DSCAML1: variants seen among roughly 807,000 people sequenced by gnomAD.
The protein encoded by DSCAML1 is DS cell adhesion molecule like 1.
In DSCAML1, 38 loss-of-function variants were observed where a neutral mutation model predicts 200.5. The ratio of observed to expected loss-of-function variants is 0.19; its 90% CI spans 0.15 to 0.25. DSCAML1 has a LOEUF of 0.25. Among genes scored for constraint, DSCAML1 ranks in the 10% least tolerant of loss-of-function variants. The probability of loss-of-function intolerance (pLI) is 1.00; values close to 1 mark genes in which losing one functional copy is unlikely to be tolerated. For synonymous variants in DSCAML1, 1,215 were observed against 1,165.0 expected, an observed-to-expected ratio of 1.04 and a Z score of -0.87; for missense variants, 2,223 against 2,858.8, an observed-to-expected ratio of 0.78 and a Z score of 5.07.
intron 27 of DSCAML1, among the ~76,000 whole-genome samples, chr11:117,434,713 C>T (rs1033480951): frequency 6.6e-6 from 1 of 152,130 alleles, no homozygotes; most frequent in African/African-American, 2.4e-5. Context: ...TTCCATTCAA[C>T]CATTTATTCA....
intron 3 of DSCAML1, among the ~76,000 whole-genome samples, chr11:117,552,116 TC>T (rs2137394256): frequency 6.6e-6 from 1 of 151,816 alleles, no homozygotes; most frequent in East Asian, 1.9e-4. Flanking sequence ...TGCAGGTCCA[TC>T]GGGGTGGGCA....
chr11:117,512,249 C>G (rs890024675), intron 8 of DSCAML1, among the ~76,000 whole-genome samples: 3 of 152,236 alleles, frequency 2.0e-5, no homozygotes, highest in Admixed American at 6.5e-5. Flanking sequence ...CGGGCAGCAG[C>G]AGTGGGGTCT....
At chr11:117,536,510 T>G (rs573337971) in intron 3 of DSCAML1, among the ~76,000 whole-genome samples, 19 of 152,342 alleles carry the variant, frequency 1.2e-4, no homozygotes, top group Admixed American at 1.2e-3. Flanking sequence ...TGAAGCCACT[T>G]GGACAGGTTG....
At chr11:117,607,314 C>G (rs1012232308) in intron 3 of DSCAML1, among the ~76,000 whole-genome samples, 1 of 152,158 alleles carries the variant, frequency 6.6e-6, no homozygotes, top group Non-Finnish European at 1.5e-5. Context: ...AGCAGCTCAC[C>G]GACCTAGAGT....
At chr11:117,587,337 CAAGGTCAACCAGTTAG>C (rs1191150643) in intron 3 of DSCAML1, among the ~76,000 whole-genome samples, 1 of 149,462 alleles carries the variant, frequency 6.7e-6, no homozygotes, top group African/African-American at 2.4e-5. Flanking sequence ...GTGACCTGCA[CAAGGTCAACCAGTTAG>C]AAGGTGGCAG....
rs1395078665 is a variant in DSCAML1 at position 117,551,505 on chromosome 11, G to T, written c.512-18983C>A. On this transcript the variant is annotated intron_variant, in intron 3 of 32. Transcript: ENST00000651296. ...TCCCCCACCGTGCCTGACTCTCCCTGCCTGCACCCTGCTTAGAGTCTTCTG... is the reference window on the plus strand; with the variant it reads ...TCCCCCACCGTGCCTGACTCTCCCTTCCTGCACCCTGCTTAGAGTCTTCTG... Among the ~76,000 whole-genome samples the T allele has an allele frequency of 2.0e-5, 3 of 152,140 alleles. No homozygotes were observed. The East Asian group carries it at 5.8e-4, about 29-fold the overall frequency.
At chr11:117,658,234 G>A (rs924693268) in intron 3 of DSCAML1, among the ~76,000 whole-genome samples, 6 of 152,096 alleles carry the variant, frequency 3.9e-5, no homozygotes, top group Non-Finnish European at 8.8e-5. Context: ...TAGAGTCTCT[G>A]GAGCTCATGC....
rs1280206874 is a variant in DSCAML1, at chr11:117,642,414, TCACAGTCTGGAGG to T, written c.512-109905_512-109893del. Among the ~76,000 whole-genome samples the T allele has an allele frequency of 1.3e-5, 2 of 152,094 alleles. No individual in the cohort carries two copies. The highest frequency in any genetic ancestry group is 6.5e-5 in the Admixed American group (1 of 15,282). On this transcript the variant is annotated intron_variant, in intron 3 of 32. Coordinates refer to ENST00000651296, the MANE Select transcript of DSCAML1 (RefSeq NM_020693.4). This position sits in a 1 kb window ranked among gnomAD's most constrained non-coding sequence, Gnocchi z 4.1. ...TGTGTATAAGTCTGACACCCACAGG[TCACAGTCTGGAGG>T]CACAGTCTGGAAGACAAATAAGGGG...
chr11:117,547,856 C>T (rs1482828417), intron 3 of DSCAML1, among the ~76,000 whole-genome samples: 1 of 152,182 alleles, frequency 6.6e-6, no homozygotes, highest in African/African-American at 2.4e-5. Context: ...CACAGTCATG[C>T]CCCTGACCTC....
At chr11:117,776,712 C>A (rs1456482914) in intron 3 of DSCAML1, 79 bp downstream of exon 3, 3 of 1,531,836 alleles carry the variant, frequency 2.0e-6, no homozygotes, top group African/African-American at 2.7e-5. Context: ...AGCTCAACAA[C>A]CAGCTCAGGC....
intron 14 of DSCAML1, among the ~76,000 whole-genome samples, chr11:117,475,064 T>C (rs1345490933): frequency 1.3e-5 from 2 of 152,176 alleles, no homozygotes; most frequent in Non-Finnish European, 2.9e-5. Context: ...CTCTGTGTCA[T>C]TCTTGAATCC....
intron 24 of DSCAML1, 72 bp from the exon 25 acceptor site, chr11:117,438,155 C>G: frequency 6.9e-7 from 1 of 1,448,292 alleles, no homozygotes; most frequent in East Asian, 2.4e-5. Flanking sequence ...CTCAGGTACC[C>G]CAACAGGGGG....
At chr11:117,733,561 G>C (rs1433000688) in intron 3 of DSCAML1, among the ~76,000 whole-genome samples, 1 of 152,244 alleles carries the variant, frequency 6.6e-6, no homozygotes, top group Non-Finnish European at 1.5e-5. Context: ...CTGCAAGAGA[G>C]TGCAGTCAGG....
chr11:117,461,298 G>A (rs767554691), intron 18 of DSCAML1, 152 bp downstream of exon 18: 10 of 1,076,728 alleles, frequency 9.3e-6, no homozygotes, highest in East Asian at 2.6e-5. Flanking sequence ...AGCCATTATC[G>A]CCCCCCGTGG....
chr11:117,428,518 G>T lies in DSCAML1; in HGVS notation c.5972C>A (p.Thr1991Asn). ...GGGGGCGGTGGGTGGCTCAGCAGGG[G>T]TGGGGCCGGGGGCTGGGGGGGCTGT... ...AGTAPPAPGPTPAEPPTAPSA... is the reference protein window; with the variant it reads ...AGTAPPAPGPNPAEPPTAPSA... The change falls in exon 33 of 33, where the codon ACC becomes AAC. Residue 1991 changes from threonine to asparagine, a missense_variant. Physicochemically the swap from Thr to Asn is moderately conservative, Grantham distance 65. Coordinates refer to ENST00000651296, the MANE Select transcript of DSCAML1 (RefSeq NM_020693.4). The T allele has an allele frequency of 6.7e-7, 1 of 1,497,002 alleles. No homozygotes were observed. The highest frequency in any genetic ancestry group is 9.0e-7 in the Non-Finnish European group (1 of 1,111,114). 92.7% of individuals were successfully genotyped at this position (1,497,002 alleles called of 1,614,324 possible).
chr11:117,808,369 G>A (rs2055726604), intron 1 of DSCAML1, among the ~76,000 whole-genome samples: 1 of 152,154 alleles, frequency 6.6e-6, no homozygotes, highest in African/African-American at 2.4e-5. Flanking sequence ...ACCATGGCTG[G>A]GCTGTCCCTG....
chr11:117,798,986 G>T (rs940441363), upstream of DSCAML1, among the ~76,000 whole-genome samples: 3 of 152,134 alleles, frequency 2.0e-5, no homozygotes, highest in Non-Finnish European at 1.5e-5. Context: ...GAGACGGGGG[G>T]ACAGACTGCA....
intron 1 of DSCAML1, among the ~76,000 whole-genome samples, chr11:117,809,454 C>T (rs1422185265): frequency 6.6e-6 from 1 of 152,258 alleles, no homozygotes; most frequent in Non-Finnish European, 1.5e-5. Flanking sequence ...AGCTCCAGGC[C>T]TCCGCACTGG....
rs2048907042 is a variant in DSCAML1, at chr11:117,481,137, G to A, written c.2656+37C>T. ...TTAGCGGTGGGCCCCTGGGCCCTGGGGAGGTGGGATGGGAAGGGTGGGGCA... is the reference window on the plus strand; with the variant it reads ...TTAGCGGTGGGCCCCTGGGCCCTGGAGAGGTGGGATGGGAAGGGTGGGGCA... On this transcript the variant is annotated intron_variant, in intron 13 of 32. Coordinates refer to ENST00000651296, the MANE Select transcript of DSCAML1 (RefSeq NM_020693.4). 6.9e-6 allele frequency: 11 copies of A among 1,600,800 alleles called. No homozygotes were observed. In the East Asian group the frequency reaches 2.2e-4, roughly 32 times the overall value.
Sources: allele counts gnomAD v4.1 joint callset (sites outside exome capture counted in the v4.1 genomes callset), GRCh38; gene constraint gnomAD v4.1.1; non-coding constraint Gnocchi (gnomAD v3.1); transcripts MANE v1.5; gene names NCBI Gene and HGNC (gene_info 2026-07-23, HGNC 2026-07-21).